CCDC171: variants seen among roughly 807,000 people sequenced by gnomAD.
CCDC171 encodes coiled-coil domain-containing protein 171.
Under a neutral mutation model 168.2 loss-of-function variants are expected in CCDC171, and 177 were observed. That is an observed-to-expected ratio of 1.05 (90% CI 0.93 to 1.19). The LOEUF (loss-of-function observed/expected upper bound fraction) is 1.19, where lower values mean the gene tolerates loss of function less well. CCDC171 is among the 50% of genes most tolerant of loss of function. The pLI, the probability that CCDC171 is intolerant of heterozygous loss-of-function variation, is 0.00. For synonymous variants in CCDC171, 687 were observed against 540.8 expected (o/e 1.27, Z -3.75); for missense variants, 1,991 against 1,539.0 (o/e 1.29, Z -4.91).
intron 10 of CCDC171, among the ~76,000 whole-genome samples, chr9:15,688,171 C>G (rs983431055): frequency 6.7e-5 from 10 of 149,740 alleles, no homozygotes; most frequent in African/African-American, 2.5e-4. Context: ...AATGCAATAG[C>G]AGGATGTCTT....
intron 21 of CCDC171, among the ~76,000 whole-genome samples, chr9:15,843,691 G>T (rs1237928923): frequency 6.6e-6 from 1 of 152,004 alleles, no homozygotes; most frequent in African/African-American, 2.4e-5. Context: ...ACTTATATAT[G>T]AAGTATGTGA....
At chr9:15,986,436 AT>A (rs1831990374) in intron 3 of CCDC171, among the ~76,000 whole-genome samples, 1 of 152,212 alleles carries the variant, frequency 6.6e-6, no homozygotes, top group South Asian at 2.1e-4. Context: ...TTTCCAGCTG[AT>A]CCCCGAACTT....
intron 6 of CCDC171, among the ~76,000 whole-genome samples, chr9:15,622,910 A>G (rs1052901544): frequency 2.6e-5 from 4 of 152,232 alleles, no homozygotes; most frequent in African/African-American, 4.8e-5. Context: ...AAAAAGGGCA[A>G]TATACATTTA....
chr9:16,027,696 T>A (rs934683752), intron 6 of CCDC171, among the ~76,000 whole-genome samples: 1 of 152,126 alleles, frequency 6.6e-6, no homozygotes, highest in Non-Finnish European at 1.5e-5. Flanking sequence ...GGACATTGTT[T>A]GCATTAAAGG....
chr9:15,709,062 AGAG>A (rs2052461623), intron 11 of CCDC171, among the ~76,000 whole-genome samples: 1 of 152,230 alleles, frequency 6.6e-6, no homozygotes, highest in Non-Finnish European at 1.5e-5. Context: ...CATTTAGAAC[AGAG>A]TGGTGAAATG....
At chr9:15,753,032 A>C (rs1016128039) in intron 18 of CCDC171, among the ~76,000 whole-genome samples, 1 of 152,152 alleles carries the variant, frequency 6.6e-6, no homozygotes, top group African/African-American at 2.4e-5. Context: ...TGTTATGTAT[A>C]TATTCTAGGA....
chr9:15,880,044 G>A (rs1036897485), intron 24 of CCDC171, among the ~76,000 whole-genome samples: 2 of 152,086 alleles, frequency 1.3e-5, no homozygotes, highest in South Asian at 2.1e-4. Flanking sequence ...CCCTGAATTT[G>A]CAGACATCCA....
Position 15,649,977 on chromosome 9 carries a change from T to C in CCDC171, c.823-7150T>C, listed in dbSNP as rs190665049. 9.6e-3 allele frequency among the ~76,000 whole-genome samples: 1,465 copies of C among 152,158 alleles called. 27 individuals carry two copies. Among genetic ancestry groups the C allele is most frequent in the African/African-American group, 0.034 (1,399 of 41,510 alleles). ...ATGTTTATTGCGGCACTATTCACAATAGCAAAGACTTGGAACCAACCCAAA... is the reference window on the plus strand; with the variant it reads ...ATGTTTATTGCGGCACTATTCACAACAGCAAAGACTTGGAACCAACCCAAA... On this transcript the variant is annotated intron_variant, in intron 7 of 25. Coordinates refer to ENST00000380701, the MANE Select transcript of CCDC171 (RefSeq NM_173550.4).
chr9:15,933,836 A>G (rs1037285493), intron 25 of CCDC171, among the ~76,000 whole-genome samples: 1 of 152,054 alleles, frequency 6.6e-6, no homozygotes. Context: ...ATGCATACCA[A>G]TAAATCTTCA....
At position 15,677,905 on chromosome 9, in the gene CCDC171, TATATATATATATATATATATAA is replaced by T. The variant is rs1364501615; in HGVS notation, c.1077-852_1077-831del. The stretch of plus-strand genomic sequence containing the variant: ...ATATATATATATATATATATATATA[TATATATATATATATATATATAA>T]GAGATGTGGTCTCATTCTGTTACCT... On this transcript the variant is annotated intron_variant, in intron 9 of 25. Transcript: ENST00000380701. Among the ~76,000 whole-genome samples, 48 of 23,220 alleles carry T rather than the reference TATATATATATATATATATATAA, an allele frequency of 2.1e-3. 3 individuals carry two copies. Among genetic ancestry groups the T allele is most frequent in the African/African-American group, 6.8e-3 (34 of 4,974 alleles). The allele number at this position is 23,220 out of a possible 152,430, so 15.2% of individuals were successfully genotyped here. A position where few individuals can be genotyped will look rare whatever the true frequency, so the allele number is the denominator to read the frequency against.
chr9:16,065,075 A>G (rs1013343027), downstream of CCDC171, among the ~76,000 whole-genome samples: 8 of 152,176 alleles, frequency 5.3e-5, no homozygotes, highest in Admixed American at 2.0e-4. Context: ...GGGTGATGCA[A>G]TGCAGGCTGC....
intron 3 of CCDC171, among the ~76,000 whole-genome samples, chr9:16,013,100 C>G (rs1832915195): frequency 6.6e-6 from 1 of 152,194 alleles, no homozygotes; most frequent in African/African-American, 2.4e-5. Flanking sequence ...CTTCACAAAC[C>G]TCTTTGCCTC....
At chr9:15,576,688 T>C (rs981659055) in intron 3 of CCDC171, among the ~76,000 whole-genome samples, 6 of 152,216 alleles carry the variant, frequency 3.9e-5, no homozygotes, top group South Asian at 2.1e-4. Context: ...AGCAAAACTG[T>C]TAAGAGTTAA....
At chr9:15,935,842 C>A (rs1827049850) in intron 25 of CCDC171, among the ~76,000 whole-genome samples, 1 of 151,912 alleles carries the variant, frequency 6.6e-6, no homozygotes, top group Admixed American at 6.6e-5. Context: ...AGGCAAAAGC[C>A]TTAGTTAATA....
chr9:15,903,532 C>T (rs777936751), intron 24 of CCDC171, among the ~76,000 whole-genome samples: 1 of 152,116 alleles, frequency 6.6e-6, no homozygotes, highest in Admixed American at 6.5e-5. Context: ...ATCTGTACGT[C>T]ACCATCATCA....
chr9:16,105,451 C>T, the CCDC171 span, among the ~76,000 whole-genome samples: 1 of 108,560 alleles, frequency 9.2e-6, no homozygotes, highest in South Asian at 2.7e-4. Flanking sequence ...TGAAGTCCAG[C>T]ACCCCCCCCT....
At chr9:16,029,696 G>T (rs527589913) in intron 6 of CCDC171, among the ~76,000 whole-genome samples, 4 of 152,214 alleles carry the variant, frequency 2.6e-5, no homozygotes, top group African/African-American at 4.8e-5. Context: ...GGAAAAGATA[G>T]GGTGATAAAT....
At chr9:15,598,992 A>G (rs1018196274) in intron 6 of CCDC171, among the ~76,000 whole-genome samples, 22 of 151,710 alleles carry the variant, frequency 1.5e-4, no homozygotes, top group Admixed American at 7.2e-4. Context: ...TTTGTTTTCC[A>G]TTTGCTTGGT....
chr9:15,570,559 T>A (rs1008533396), intron 2 of CCDC171, among the ~76,000 whole-genome samples: 1 of 152,206 alleles, frequency 6.6e-6, no homozygotes, highest in African/African-American at 2.4e-5. Context: ...CCTAAAAAGA[T>A]GACTGGAAGC....
Sources: gnomAD v4.1 joint callset for allele counts (sites outside exome capture counted in the v4.1 genomes callset) on GRCh38, gnomAD v4.1.1 for gene constraint, MANE v1.5 for transcripts, NCBI Gene and HGNC (gene_info 2026-07-23, HGNC 2026-07-21) for gene names.